Variants in TNNT1 observed in about 807,000 individuals in gnomAD.
TNNT1 encodes the protein troponin T1, slow skeletal type.
A neutral mutation model predicts 50.6 loss-of-function variants in TNNT1; 53 were observed. The ratio of observed to expected loss-of-function variants is 1.05; its 90% CI spans 0.84 to 1.32. TNNT1 has a LOEUF of 1.32. Among genes scored for constraint, TNNT1 ranks in the 40% most tolerant of loss-of-function variants. The pLI is 0.00. For missense variants in TNNT1, 348 were observed against 381.7 expected, an observed-to-expected ratio of 0.91 and a Z score of 0.74; for synonymous variants, 142 against 138.0, an observed-to-expected ratio of 1.03 and a Z score of -0.20.
In TNNT1 at chr19:55,133,949, G is replaced by T. The variant is rs780946899; in HGVS notation, c.751-22C>A. ...TGATCTGCGGAGGCAGAAGACAGAT[G>T]CTGGGACAGCCGGTGGGGACGTGGG... On this transcript the variant is annotated intron_variant, in intron 12 of 13. Transcript: ENST00000588981. 4 of 1,609,924 alleles carry T rather than the reference G, an allele frequency of 2.5e-6. No homozygotes were observed. The Admixed American group carries it at 5.0e-5, about 20-fold the overall frequency.
In TNNT1 at chr19:55,146,713, G is replaced by A. The variant is rs375682055; in HGVS notation, c.47-6C>T. On this transcript the variant is annotated splice_polypyrimidine_tract_variant and splice_region_variant and intron_variant, in intron 3 of 13. Coordinates refer to ENST00000588981, the MANE Select transcript of TNNT1 (RefSeq NM_003283.6). ...CTCCTCCTCCGCAGCCTCCTCTGGAGATGGGGGCACAGAAGAGAAGGCGTT... is the reference window on the plus strand; with the variant it reads ...CTCCTCCTCCGCAGCCTCCTCTGGAAATGGGGGCACAGAAGAGAAGGCGTT... 6.6e-7 allele frequency: 1 copy of A among 1,508,928 alleles called. No individual in the cohort carries two copies. The highest frequency in any genetic ancestry group is 8.9e-7 in the Non-Finnish European group (1 of 1,127,246). The allele number at this position is 1,508,928 out of a possible 1,614,324, so 93.5% of individuals were successfully genotyped here.
In TNNT1 at chr19:55,145,533, T is replaced by C. The variant is rs770978576; in HGVS notation, c.128+11A>G. ...TGTATGACTGGGGCCCCCCACCCTG[T>C]AGGATCTCACCTTGGTTTGGGGCGT... On this transcript the variant is annotated intron_variant, in intron 6 of 13. Transcript: ENST00000588981. The C allele has an allele frequency of 6.8e-6, 11 of 1,612,960 alleles. No homozygotes were observed. The South Asian group carries it at 9.9e-5, about 14-fold the overall frequency.
In TNNT1 at chr19:55,133,889, C is replaced by T. The variant is rs2085293168; in HGVS notation, c.789G>A (p.Lys263=). Reference sequence around the variant, plus strand: ...GGGCTTGAGACGGTCACACTCACAACTTCTGGGCGTGGCTGATGCGGTTGT... The same window carrying T: ...GGGCTTGAGACGGTCACACTCACAATTTCTGGGCGTGGCTGATGCGGTTGT... The part of the protein sequence containing the change: ...VLYNRISHAQ[K]FRKGAGKGRV... The change falls in exon 13 of 14, where the codon AAG becomes AAA. Residue 263 remains lysine (K), a splice_region_variant and synonymous_variant. Coordinates refer to ENST00000588981, the MANE Select transcript of TNNT1 (RefSeq NM_003283.6). 2 of 1,613,838 alleles carry T rather than the reference C, an allele frequency of 1.2e-6. No homozygotes were observed. Among genetic ancestry groups the T allele is most frequent in the Non-Finnish European group, 1.7e-6 (2 of 1,180,018 alleles).
chr19:55,133,070 C>T (rs2085276289), intron 13 of TNNT1, 110 bp from the exon 14 acceptor site: 1 of 1,011,808 alleles, frequency 9.9e-7, no homozygotes, highest in South Asian at 1.4e-5. Context: ...GCCCTCCCTG[C>T]CCAGAGGAAG....
At chr19:55,132,995 G>A (rs2085275256) in intron 13 of TNNT1, 35 bp from the exon 14 acceptor site, 1 of 1,572,920 alleles carries the variant, frequency 6.4e-7, no homozygotes, top group Non-Finnish European at 8.6e-7. Flanking sequence ...GGAAAAAGGG[G>A]CCCCTCCAGT....
At chr19:55,147,091 C>G (rs1313117546) in intron 2 of TNNT1, 35 bp downstream of exon 2, 1 of 1,613,656 alleles carries the variant, frequency 6.2e-7, no homozygotes, top group Non-Finnish European at 8.5e-7. Context: ...CTCTCCACCA[C>G]TGCACGCCCC....
At chr19:55,136,739 T>C (rs1355639079) in intron 11 of TNNT1, among the ~76,000 whole-genome samples, 3 of 152,144 alleles carry the variant, frequency 2.0e-5, no homozygotes, top group Non-Finnish European at 4.4e-5. Flanking sequence ...GGGACTCAGC[T>C]GGAAAATTCT....
intron 11 of TNNT1, 147 bp downstream of exon 11, chr19:55,136,956 C>T (rs2147244067): frequency 6.5e-6 from 4 of 614,928 alleles, no homozygotes; most frequent in Admixed American, 5.2e-5. Context: ...GCAGCAGAGG[C>T]CCAGAGAGGG....
intron 6 of TNNT1, among the ~76,000 whole-genome samples, chr19:55,144,914 G>A (rs2085519840): frequency 6.6e-6 from 1 of 152,164 alleles, no homozygotes; most frequent in Non-Finnish European, 1.5e-5. Flanking sequence ...AGGAGGATGA[G>A]CCACAAGTTG....
At chr19:55,137,902 T>G in intron 10 of TNNT1, 59 bp downstream of exon 10, 1 of 1,598,262 alleles carries the variant, frequency 6.3e-7, no homozygotes, top group Non-Finnish European at 8.6e-7. Flanking sequence ...ACCAGAGGTC[T>G]GGCCCCCAGC....
At position 55,140,797 on chromosome 19, in the gene TNNT1, A is replaced by G. The variant is rs989302385; in HGVS notation, c.387+86T>C. ...GTTTCAAAGAATAATAATAATAGTA[A>G]TAATAATAATAATAATAATAATAAC... On this transcript the variant is annotated intron_variant, in intron 9 of 13. Transcript: ENST00000588981. 4 of 564,224 alleles carry G rather than the reference A, an allele frequency of 7.1e-6. No individual in the cohort carries two copies. In the African/African-American group the frequency reaches 1.3e-4, roughly 18 times the overall value. 35.0% of individuals were successfully genotyped at this position (564,224 alleles called of 1,614,324 possible). A position where few individuals can be genotyped will look rare whatever the true frequency, so the allele number is the denominator to read the frequency against.
Position 55,137,508 on chromosome 19 carries a change from A to AC in TNNT1, c.502-297dup, listed in dbSNP as rs376399822. Among the ~76,000 whole-genome samples, 348 of 44,764 alleles carry AC rather than the reference A, an allele frequency of 7.8e-3. 5 individuals carry two copies. Among genetic ancestry groups the AC allele is most frequent in the African/African-American group, 0.014 (93 of 6,546 alleles). 29.4% of individuals were successfully genotyped at this position (44,764 alleles called of 152,430 possible). The stretch of plus-strand genomic sequence containing the variant: ...CTCCTCCCTCAGCCCAGGAGTCCAG[A>AC]CCCCAGCCCCTCCTCCCTCAGACCC... On this transcript the variant is annotated intron_variant, in intron 10 of 13. Coordinates refer to ENST00000588981, the MANE Select transcript of TNNT1 (RefSeq NM_003283.6).
In TNNT1 at chr19:55,146,454, G is replaced by C. The variant is rs2085553711; in HGVS notation, c.86C>G (p.Pro29Arg). 7.4e-7 allele frequency: 1 copy of C among 1,360,024 alleles called. No homozygotes were observed. Among genetic ancestry groups the C allele is most frequent in the African/African-American group, 1.5e-5 (1 of 66,036 alleles). The allele number at this position is 1,360,024 out of a possible 1,614,324, so 84.2% of individuals were successfully genotyped here. Reference sequence around the variant, plus strand: ...GTTACCTGGCTCTGCCACCGGCTCCGGCTCTTCGGGGGCTGGGGAGGGGAG... The same window carrying C: ...GTTACCTGGCTCTGCCACCGGCTCCCGCTCTTCGGGGGCTGGGGAGGGGAG... ...AEEEEEAPEE[P>R]EPVAEPEEER... Residue 29 changes from proline (P) to arginine (R), a missense_variant, in exon 5 of 14, where the codon CCG (proline) becomes CGG (arginine). Around this residue, in one of 3 missense-constraint regions of TNNT1, gnomAD observed 90 missense variants for 70.8 expected, o/e 1.27. Transcript: ENST00000588981.
chr19:55,140,829 G>C (rs1278989569), intron 9 of TNNT1, 54 bp downstream of exon 9: 1 of 1,298,556 alleles, frequency 7.7e-7, no homozygotes, highest in African/African-American at 1.5e-5. Context: ...TAACAAAATG[G>C]GCATCCGGCT....
intron 7 of TNNT1, 44 bp from the exon 8 acceptor site, chr19:55,141,346 G>A (rs772503367): frequency 1.4e-6 from 2 of 1,451,206 alleles, no homozygotes; most frequent in South Asian, 2.3e-5. Context: ...CCCTGGAGGG[G>A]GCAGCAGCCT....
chr19:55,145,721 G>A (rs1269067524), intron 5 of TNNT1, among the ~76,000 whole-genome samples, 156 bp from the exon 6 acceptor site: 2 of 152,054 alleles, frequency 1.3e-5, no homozygotes, highest in African/African-American at 4.8e-5. Context: ...GGGATGGGGA[G>A]AAGAAAAGAG....
At chr19:55,134,290 T>G in intron 11 of TNNT1, 86 bp from the exon 12 acceptor site, 6 of 1,328,710 alleles carry the variant, frequency 4.5e-6, no homozygotes, top group Non-Finnish European at 5.2e-6. Flanking sequence ...GAGTTCAGCG[T>G]TGTCGGCACC....
At chr19:55,146,359 G>T in intron 5 of TNNT1, 75 bp downstream of exon 5, 1 of 1,140,270 alleles carries the variant, frequency 8.8e-7, no homozygotes, top group Non-Finnish European at 1.2e-6. Context: ...GGTCTTGGAG[G>T]TTGGGGCCCG....
intron 11 of TNNT1, among the ~76,000 whole-genome samples, 190 bp from the exon 12 acceptor site, chr19:55,134,394 G>A (rs868280678): frequency 7.9e-5 from 12 of 152,036 alleles, no homozygotes; most frequent in African/African-American, 2.7e-4. Flanking sequence ...GGGGAGAGAA[G>A]GGTGTCATGA....
Sources: allele counts gnomAD v4.1 joint callset (sites outside exome capture counted in the v4.1 genomes callset), GRCh38; gene constraint gnomAD v4.1.1; regional missense constraint gnomAD v4.1.1; transcripts MANE v1.5; gene names NCBI Gene and HGNC (gene_info 2026-07-23, HGNC 2026-07-21).